GMDS: variants seen among roughly 807,000 people sequenced by gnomAD.
GMDS encodes the protein GDP-mannose 4,6 dehydratase.
In GMDS, 20 loss-of-function variants were observed where a neutral mutation model predicts 49.9. The ratio of observed to expected loss-of-function variants is 0.40; its 90% CI spans 0.28 to 0.58. The LOEUF (loss-of-function observed/expected upper bound fraction) is 0.58. GMDS is among the 20% of genes least tolerant of loss of function. The pLI is 0.42. For missense variants in GMDS, 362 were observed against 481.4 expected, an observed-to-expected ratio of 0.75 and a Z score of 2.32; for synonymous variants, 177 against 178.6, an observed-to-expected ratio of 0.99 and a Z score of 0.07.
chr6:1,780,701 G>A (rs1024892642), intron 7 of GMDS, among the ~76,000 whole-genome samples: 1 of 152,174 alleles, frequency 6.6e-6, no homozygotes, highest in Non-Finnish European at 1.5e-5. Context: ...AACACGCAAC[G>A]GCTCACTGCC....
At chr6:1,720,584 G>T (rs984173994) in intron 9 of GMDS, among the ~76,000 whole-genome samples, 1 of 152,162 alleles carries the variant, frequency 6.6e-6, no homozygotes, top group Non-Finnish European at 1.5e-5. Flanking sequence ...CACTACTGTG[G>T]TCCAAAAGTT....
chr6:1,662,153 T>C (rs1356922469), intron 9 of GMDS, among the ~76,000 whole-genome samples: 1 of 152,072 alleles, frequency 6.6e-6, no homozygotes. Flanking sequence ...GTTCCAGACC[T>C]TTACAGCATT....
At chr6:1,750,009 T>G (rs1398192879) in intron 7 of GMDS, among the ~76,000 whole-genome samples, 1 of 152,126 alleles carries the variant, frequency 6.6e-6, no homozygotes, top group Non-Finnish European at 1.5e-5. Flanking sequence ...TGCTTTTAAT[T>G]TTTAGTATAC....
chr6:1,817,653 G>A (rs1581216607), intron 7 of GMDS, among the ~76,000 whole-genome samples: 1 of 152,162 alleles, frequency 6.6e-6, no homozygotes, highest in Non-Finnish European at 1.5e-5. Context: ...TTACTCTGTA[G>A]CAGAACAAAC....
chr6:1,653,499 A>G lies in GMDS; in HGVS notation c.988-28959T>C, dbSNP rs144221226. Among the ~76,000 whole-genome samples, 1,045 of 152,322 alleles carry G rather than the reference A, an allele frequency of 6.9e-3. 5 individuals are homozygous for G. Among genetic ancestry groups the G allele is most frequent in the African/African-American group, 0.024 (1,008 of 41,556 alleles). ...TCTGAATAGCCAGAAGAATTTTGAAAACAACAACAACAAACAATAGCAAAG... is the reference window on the plus strand; with the variant it reads ...TCTGAATAGCCAGAAGAATTTTGAAGACAACAACAACAAACAATAGCAAAG... On this transcript the variant is annotated intron_variant, in intron 9 of 10. Transcript: ENST00000380815.
At chr6:2,068,701 A>G (rs1389609898) in intron 4 of GMDS, among the ~76,000 whole-genome samples, 1 of 152,180 alleles carries the variant, frequency 6.6e-6, no homozygotes, top group Non-Finnish European at 1.5e-5. Flanking sequence ...TAGGAATCCA[A>G]CTTACAAGGG....
chr6:1,879,579 C>T (rs776982943), intron 7 of GMDS, among the ~76,000 whole-genome samples: 2 of 151,052 alleles, frequency 1.3e-5, no homozygotes, highest in Non-Finnish European at 2.9e-5. Context: ...ATTATGTTAC[C>T]AAAGGTTTTT....
intron 7 of GMDS, among the ~76,000 whole-genome samples, chr6:1,925,139 C>T (rs1306428693): frequency 6.6e-6 from 1 of 151,914 alleles, no homozygotes; most frequent in East Asian, 1.9e-4. Flanking sequence ...CTGGGTGGTA[C>T]GCAGGTGTTT....
chr6:2,104,918 C>G (rs1213877472), intron 4 of GMDS, among the ~76,000 whole-genome samples: 1 of 152,026 alleles, frequency 6.6e-6, no homozygotes, highest in African/African-American at 2.4e-5. Context: ...TGCGGTGGCT[C>G]ACGCCTATAA....
At chr6:1,985,511 T>C (rs1414855449) in intron 4 of GMDS, among the ~76,000 whole-genome samples, 2 of 151,844 alleles carry the variant, frequency 1.3e-5, no homozygotes, top group Non-Finnish European at 2.9e-5. Context: ...CTTTGAAACA[T>C]CTCTCTTTAA....
chr6:1,631,723 C>T (rs1013854262), intron 9 of GMDS, among the ~76,000 whole-genome samples: 2 of 152,138 alleles, frequency 1.3e-5, no homozygotes, highest in Admixed American at 1.3e-4. Context: ...CAAACAGGGT[C>T]TATCAAACAT....
intron 7 of GMDS, among the ~76,000 whole-genome samples, chr6:1,754,847 C>G (rs1295678786): frequency 2.0e-5 from 3 of 152,170 alleles, no homozygotes; most frequent in Admixed American, 2.0e-4. Context: ...GCTAAAAACT[C>G]TCAATAAACT....
intron 7 of GMDS, among the ~76,000 whole-genome samples, chr6:1,769,773 A>G (rs1447911649): frequency 6.6e-6 from 1 of 151,660 alleles, no homozygotes; most frequent in African/African-American, 2.4e-5. Flanking sequence ...CGTGATCTCC[A>G]CAACCAAAAA....
chr6:1,726,859 TATTA>T (rs982428714), intron 8 of GMDS, among the ~76,000 whole-genome samples: 13 of 151,780 alleles, frequency 8.6e-5, no homozygotes, highest in African/African-American at 2.4e-4. Context: ...AATTCATTAT[TATTA>T]ATTAATAAAT....
intron 4 of GMDS, among the ~76,000 whole-genome samples, chr6:1,984,047 G>A (rs1420566809): frequency 6.6e-6 from 1 of 152,170 alleles, no homozygotes; most frequent in Admixed American, 6.5e-5. Flanking sequence ...CCATGAAAAG[G>A]AATGAGATAA....
chr6:1,807,725 T>C (rs226463), intron 7 of GMDS, among the ~76,000 whole-genome samples: 106,289 of 152,178 alleles, frequency 0.7, 38,426 homozygotes, highest in African/African-American at 0.9. Flanking sequence ...TCCATCCCTA[T>C]CTCACATCAC....
chr6:2,190,963 A>G (rs1341901868), intron 1 of GMDS, among the ~76,000 whole-genome samples: 4 of 152,032 alleles, frequency 2.6e-5, no homozygotes, highest in Non-Finnish European at 5.9e-5. Flanking sequence ...TCCGGACCCT[A>G]GCCCCACACC....
intron 4 of GMDS, among the ~76,000 whole-genome samples, chr6:2,064,369 A>C (rs1771397061): frequency 6.6e-6 from 1 of 152,206 alleles, no homozygotes; most frequent in Non-Finnish European, 1.5e-5. Context: ...AAGGTTTACA[A>C]AAAACCGAAG....
chr6:1,973,905 G>C (rs1019822345), intron 4 of GMDS, among the ~76,000 whole-genome samples: 2 of 152,156 alleles, frequency 1.3e-5, no homozygotes, highest in Non-Finnish European at 2.9e-5. Flanking sequence ...CCATATGGGA[G>C]AGTTCATTTA....
Sources: gnomAD v4.1 joint callset for allele counts (sites outside exome capture counted in the v4.1 genomes callset) on GRCh38, gnomAD v4.1.1 for gene constraint, MANE v1.5 for transcripts, NCBI Gene and HGNC (gene_info 2026-07-23, HGNC 2026-07-21) for gene names.